The following NAP1L4 variants were observed in gnomAD, a reference collection of about 807,000 sequenced individuals.
NAP1L4 encodes the protein nucleosome assembly protein 1 like 4.
NAP1L4 carries 15 observed loss-of-function variants against 58.2 expected under a neutral mutation model. That is an observed-to-expected ratio of 0.26 (90% CI 0.17 to 0.40). The LOEUF is 0.40. NAP1L4 is among the 10% of genes least tolerant of loss of function. The pLI is 1.00. For missense variants in NAP1L4, 384 were observed against 451.1 expected (o/e 0.85, Z 1.35); for synonymous variants, 171 against 155.6 (o/e 1.10, Z -0.74).
chr11:2,971,579 T>A lies in NAP1L4; in HGVS notation c.316-45A>T. ...TATTAGAATTATGTTATTAGCTTACTTAGGAACTCAAGAGTTAAATTTATA... is the reference window on the plus strand; with the variant it reads ...TATTAGAATTATGTTATTAGCTTACATAGGAACTCAAGAGTTAAATTTATA... On this transcript the variant is annotated intron_variant, in intron 5 of 15. Coordinates refer to ENST00000380542, the MANE Select transcript of NAP1L4 (RefSeq NM_005969.4). The surrounding 1 kb of genome is among the most constrained non-coding windows in gnomAD (Gnocchi z 4.2). The A allele has an allele frequency of 6.7e-7, 1 of 1,500,298 alleles. No individual in the cohort carries two copies. The highest frequency in any genetic ancestry group is 9.2e-7 in the Non-Finnish European group (1 of 1,086,372). 92.9% of individuals were successfully genotyped at this position (1,500,298 alleles called of 1,614,324 possible). A position where few individuals can be genotyped will look rare whatever the true frequency, so the allele number is the denominator to read the frequency against.
intron 1 of NAP1L4, among the ~76,000 whole-genome samples, chr11:2,985,624 T>C (rs1564992714): frequency 1.3e-5 from 2 of 152,234 alleles, no homozygotes; most frequent in South Asian, 2.1e-4. Context: ...TAACTTGACT[T>C]AGCCATTCCA....
intron 1 of NAP1L4, among the ~76,000 whole-genome samples, chr11:2,983,312 C>T (rs1412557780): frequency 6.6e-6 from 1 of 152,116 alleles, no homozygotes; most frequent in Non-Finnish European, 1.5e-5. Flanking sequence ...TAACAGAGTC[C>T]ATTGATAAAA....
intron 1 of NAP1L4, among the ~76,000 whole-genome samples, chr11:2,983,994 GA>G (rs60380157): frequency 0.47 from 63,953 of 137,086 alleles, 17,157 homozygotes; most frequent in East Asian, 0.88. Flanking sequence ...AAAACAAAAA[GA>G]AAAAAAAAAA....
chr11:2,958,586 G>A (rs769455216), intron 9 of NAP1L4, 42 bp from the exon 10 acceptor site: 1 of 1,586,618 alleles, frequency 6.3e-7, no homozygotes, highest in Admixed American at 1.8e-5. Context: ...CAATCCATGA[G>A]AAAAATCCAT....
chr11:2,979,273 T>G, intron 1 of NAP1L4, 36 bp from the exon 2 acceptor site: 2 of 1,541,028 alleles, frequency 1.3e-6, no homozygotes. Flanking sequence ...ATTATATTCA[T>G]AAGCAAAAAT....
At chr11:2,976,201 A>T in intron 3 of NAP1L4, 78 bp from the exon 4 acceptor site, 1 of 1,041,498 alleles carries the variant, frequency 9.6e-7, no homozygotes, top group Non-Finnish European at 1.4e-6. Flanking sequence ...TTAGTAACAT[A>T]TCTACTTAGC....
chr11:2,983,562 C>T (rs1848451159), intron 1 of NAP1L4, among the ~76,000 whole-genome samples: 1 of 145,386 alleles, frequency 6.9e-6, no homozygotes, highest in African/African-American at 2.6e-5. Context: ...GATGACAAGG[C>T]AGTTAAGTTA....
rs879176589 is a variant in NAP1L4, at chr11:2,979,058, C to T, written c.14+149G>A. On this transcript the variant is annotated intron_variant, in intron 2 of 15. Transcript: ENST00000380542. The stretch of plus-strand genomic sequence containing the variant: ...GTTCATGTCGGAAGTAATTTCTTTA[C>T]GTGCTCAAATACATACACAAGAAAT... 7.3e-5 allele frequency: 55 copies of T among 756,420 alleles called. 1 individual carries two copies. In the South Asian group the frequency reaches 8.6e-4, roughly 12 times the overall value. 46.9% of individuals were successfully genotyped at this position (756,420 alleles called of 1,614,324 possible). A position where few individuals can be genotyped will look rare whatever the true frequency, so the allele number is the denominator to read the frequency against.
chr11:2,961,020 G>C (rs545556232), intron 8 of NAP1L4, among the ~76,000 whole-genome samples: 2 of 152,116 alleles, frequency 1.3e-5, no homozygotes, highest in South Asian at 2.1e-4. Context: ...TCCCTCTCTA[G>C]GAGCTGCCTT....
At chr11:2,958,083 C>T in intron 10 of NAP1L4, 1 of 509,960 alleles carries the variant, frequency 2.0e-6, no homozygotes, top group Admixed American at 2.3e-5. Context: ...GAGGAAGCAG[C>T]CCAGGTGCAA....
intron 1 of NAP1L4, chr11:2,989,818 T>C (rs1192259098): frequency 1.3e-5 from 2 of 152,212 alleles, no homozygotes. Flanking sequence ...ACACATCCCA[T>C]CCGCAGGTAC....
chr11:2,964,423 C>A (rs1847134819), intron 8 of NAP1L4, among the ~76,000 whole-genome samples: 1 of 152,168 alleles, frequency 6.6e-6, no homozygotes, highest in Non-Finnish European at 1.5e-5. Flanking sequence ...GCATCACTGT[C>A]AAATCATCCA....
intron 10 of NAP1L4, among the ~76,000 whole-genome samples, chr11:2,956,689 T>C (rs755845869): frequency 6.6e-5 from 10 of 152,170 alleles, no homozygotes; most frequent in Non-Finnish European, 1.2e-4. Context: ...TGGCTGGGTG[T>C]CTAAATGCTG....
intron 15 of NAP1L4, among the ~76,000 whole-genome samples, chr11:2,947,018 CTG>C (rs1272954527): frequency 3.9e-5 from 6 of 152,170 alleles, no homozygotes; most frequent in Admixed American, 3.3e-4. Context: ...ACGGGGAAGA[CTG>C]GGGCTGGTGA....
chr11:2,974,103 C>G (rs1056661467), intron 4 of NAP1L4, among the ~76,000 whole-genome samples: 2 of 152,160 alleles, frequency 1.3e-5, no homozygotes, highest in African/African-American at 4.8e-5. Flanking sequence ...ATTTTTGAAG[C>G]TTTCCAACTG....
Position 2,951,693 on chromosome 11 carries a change from G to T in NAP1L4, c.1065+87C>A. On this transcript the variant is annotated intron_variant, in intron 13 of 15. Transcript: ENST00000380542. The surrounding 1 kb of genome is among the most constrained non-coding windows in gnomAD (Gnocchi z 4.0). ...CGTCACAAAAAATGGGTTTAACACA[G>T]CCCTGTGAGTCCATAACCTTCAAGC... 7.2e-7 allele frequency: 1 copy of T among 1,383,180 alleles called. No homozygotes were observed. Among genetic ancestry groups the T allele is most frequent in the Non-Finnish European group, 1.0e-6 (1 of 975,372 alleles). The allele number at this position is 1,383,180 out of a possible 1,614,324, so 85.7% of individuals were successfully genotyped here.
chr11:2,945,698 C>T lies in NAP1L4; in HGVS notation c.*33-52G>A, dbSNP rs1019484867. On this transcript the variant is annotated intron_variant, in intron 15 of 15. Coordinates refer to ENST00000380542, the MANE Select transcript of NAP1L4 (RefSeq NM_005969.4). ...AGAGAGCAAAGCCAGCTCCATTCAC[C>T]AATTAGCTCCAATCAACAATGAAAG... The T allele has an allele frequency of 2.6e-5, 37 of 1,410,238 alleles. No homozygotes were observed. In the East Asian group the frequency reaches 8.1e-4, roughly 31 times the overall value. The allele number at this position is 1,410,238 out of a possible 1,614,324, so 87.4% of individuals were successfully genotyped here.
At chr11:2,984,835 T>G (rs988296724) in intron 1 of NAP1L4, among the ~76,000 whole-genome samples, 1 of 151,510 alleles carries the variant, frequency 6.6e-6, no homozygotes, top group South Asian at 2.1e-4. Flanking sequence ...GTAACTGCCA[T>G]GCATATAGAC....
At chr11:2,963,902 A>T (rs1847102226) in intron 8 of NAP1L4, 1 of 519,076 alleles carries the variant, frequency 1.9e-6, no homozygotes, top group Non-Finnish European at 3.8e-6. Context: ...TCCCTGGGAG[A>T]ACCAGGCTGG....
Sources: allele counts gnomAD v4.1 joint callset (sites outside exome capture counted in the v4.1 genomes callset), GRCh38; gene constraint gnomAD v4.1.1; non-coding constraint Gnocchi (gnomAD v3.1); transcripts MANE v1.5; gene names NCBI Gene and HGNC (gene_info 2026-07-23, HGNC 2026-07-21).